VTCN1: variants seen among roughly 807,000 people sequenced by gnomAD.
The protein encoded by VTCN1 is V-set domain-containing T-cell activation inhibitor 1.
A neutral mutation model predicts 26.5 loss-of-function variants in VTCN1; 26 were observed. The ratio of observed to expected loss-of-function variants is 0.98; its 90% CI spans 0.72 to 1.36. The LOEUF is 1.36. VTCN1 is among the 40% of genes most tolerant of loss of function. The probability of loss-of-function intolerance (pLI) is 0.00; values close to 1 mark genes in which losing one functional copy is unlikely to be tolerated. For missense variants in VTCN1, 298 were observed against 337.7 expected (o/e 0.88, Z 0.92); for synonymous variants, 116 against 130.7 (o/e 0.89, Z 0.77).
intron 1 of VTCN1, among the ~76,000 whole-genome samples, chr1:117,188,152 G>T (rs1426165912): frequency 6.6e-6 from 1 of 152,102 alleles, no homozygotes; most frequent in Non-Finnish European, 1.5e-5. Flanking sequence ...GGTAAGGTGG[G>T]GAACACCATG....
chr1:117,192,620 A>G (rs934325856), intron 1 of VTCN1, among the ~76,000 whole-genome samples: 5 of 152,202 alleles, frequency 3.3e-5, no homozygotes, highest in East Asian at 1.9e-4. Flanking sequence ...TTAAAAATGT[A>G]AAGTGTGACA....
At chr1:117,173,204 C>G (rs1036940141) in intron 1 of VTCN1, 2 of 716,308 alleles carry the variant, frequency 2.8e-6, no homozygotes, top group Non-Finnish European at 2.6e-6. Flanking sequence ...TCAGCGGCTT[C>G]ATTCTTGAAG....
At chr1:117,208,610 T>C (rs1649211158) in intron 1 of VTCN1, among the ~76,000 whole-genome samples, 1 of 152,204 alleles carries the variant, frequency 6.6e-6, no homozygotes, top group Non-Finnish European at 1.5e-5. Flanking sequence ...GCAAGGGTTT[T>C]CTACCCCTGT....
chr1:117,184,434 A>G (rs1241034010), intron 1 of VTCN1, among the ~76,000 whole-genome samples: 3 of 152,208 alleles, frequency 2.0e-5, no homozygotes, highest in African/African-American at 7.2e-5. Context: ...GTTAAGCTTC[A>G]ATGAACTTAT....
In VTCN1 at chr1:117,147,787, G is replaced by A. The variant is rs369873558; in HGVS notation, c.725-5C>T. ...TCCGCCTTTTGATCTCCGATTCTGT[G>A]AAGTGAGAGAAAAAGTTTAGGGTCA... is the stretch of plus-strand genomic sequence containing the variant. On this transcript the variant is annotated splice_region_variant and splice_polypyrimidine_tract_variant and intron_variant, in intron 4 of 5. Coordinates refer to ENST00000369458, the MANE Select transcript of VTCN1 (RefSeq NM_024626.4). This position sits in a 1 kb window ranked among gnomAD's most constrained non-coding sequence, Gnocchi z 4.6. 8.7e-6 allele frequency: 14 copies of A among 1,612,368 alleles called. No homozygotes were observed. Among genetic ancestry groups the A allele is most frequent in the African/African-American group, 1.3e-5 (1 of 74,740 alleles).
intron 1 of VTCN1, among the ~76,000 whole-genome samples, chr1:117,176,995 A>G (rs899987707): frequency 2.0e-5 from 3 of 152,178 alleles, no homozygotes; most frequent in Non-Finnish European, 4.4e-5. Flanking sequence ...GCTACTCGGG[A>G]GGCTGAGGCA....
chr1:117,177,048 G>T (rs762968512), intron 1 of VTCN1, among the ~76,000 whole-genome samples: 1 of 152,134 alleles, frequency 6.6e-6, no homozygotes, highest in Non-Finnish European at 1.5e-5. Flanking sequence ...GCTGTGAGCC[G>T]AGATCGTGCC....
intron 3 of VTCN1, 29 bp downstream of exon 3, chr1:117,156,545 T>TA (rs1234380119): frequency 1.3e-5 from 20 of 1,526,378 alleles, no homozygotes; most frequent in Non-Finnish European, 1.7e-5. Context: ...TTTGGTGCTT[T>TA]AAAAAATCTC....
chr1:117,162,053 G>A (rs148485979), intron 2 of VTCN1, among the ~76,000 whole-genome samples: 1 of 152,136 alleles, frequency 6.6e-6, no homozygotes, highest in African/African-American at 2.4e-5. Flanking sequence ...TTAAAAGTAG[G>A]CAGCTGTGGA....
At chr1:117,186,400 T>C (rs996092164) in intron 1 of VTCN1, among the ~76,000 whole-genome samples, 29 of 152,224 alleles carry the variant, frequency 1.9e-4, no homozygotes, top group Admixed American at 5.2e-4. Context: ...TTCAAGATGC[T>C]GGGGCTCAGA....
At chr1:117,205,405 C>T (rs56139737) in intron 1 of VTCN1, among the ~76,000 whole-genome samples, 20,342 of 152,038 alleles carry the variant, frequency 0.13, 1,453 homozygotes, top group Non-Finnish European at 0.17. Flanking sequence ...TCAAGTGATC[C>T]GCCTGCCTCA....
At chr1:117,152,084 G>A (rs966369696) in intron 4 of VTCN1, among the ~76,000 whole-genome samples, 2 of 152,068 alleles carry the variant, frequency 1.3e-5, no homozygotes, top group Non-Finnish European at 2.9e-5. Context: ...TGAGTTGTAG[G>A]AGTTCTTAAT....
chr1:117,150,061 C>A (rs1434311936), intron 4 of VTCN1, among the ~76,000 whole-genome samples: 2 of 152,186 alleles, frequency 1.3e-5, no homozygotes, highest in Non-Finnish European at 2.9e-5. Context: ...CAGCTTGGAG[C>A]TTTTTACTGG....
At chr1:117,187,840 A>G (rs1570977871) in intron 1 of VTCN1, among the ~76,000 whole-genome samples, 1 of 152,130 alleles carries the variant, frequency 6.6e-6, no homozygotes, top group Non-Finnish European at 1.5e-5. Context: ...AAAACAAAAA[A>G]TAAAAAATAA....
At chr1:117,151,978 A>G (rs898380523) in intron 4 of VTCN1, among the ~76,000 whole-genome samples, 3 of 152,044 alleles carry the variant, frequency 2.0e-5, no homozygotes, top group Admixed American at 6.6e-5. Flanking sequence ...GCATCTTTTC[A>G]TTTGCTTTTT....
At chr1:117,205,522 C>G (rs150826459) in intron 1 of VTCN1, among the ~76,000 whole-genome samples, 2 of 152,206 alleles carry the variant, frequency 1.3e-5, no homozygotes, top group African/African-American at 4.8e-5. Flanking sequence ...TCATCTAGAG[C>G]AGCTGCCTGA....
chr1:117,170,903 T>C (rs1255602364), intron 1 of VTCN1, among the ~76,000 whole-genome samples: 4 of 152,176 alleles, frequency 2.6e-5, no homozygotes, highest in African/African-American at 9.7e-5. Context: ...GTTCGTTACA[T>C]AGGTACACAT....
At chr1:117,184,077 G>A (rs1244566350) in intron 1 of VTCN1, among the ~76,000 whole-genome samples, 1 of 152,132 alleles carries the variant, frequency 6.6e-6, no homozygotes, top group African/African-American at 2.4e-5. Flanking sequence ...TTGGGAAATG[G>A]AGATGTTATG....
At chr1:117,206,011 A>G (rs1386743743) in intron 1 of VTCN1, among the ~76,000 whole-genome samples, 3 of 152,084 alleles carry the variant, frequency 2.0e-5, no homozygotes, top group African/African-American at 7.2e-5. Flanking sequence ...GCTCTTCACC[A>G]CCAACTTTTA....
Sources: allele counts gnomAD v4.1 joint callset (sites outside exome capture counted in the v4.1 genomes callset), GRCh38; gene constraint gnomAD v4.1.1; non-coding constraint Gnocchi (gnomAD v3.1); transcripts MANE v1.5; gene names NCBI Gene and HGNC (gene_info 2026-07-23, HGNC 2026-07-21).